Variants in DPP10 observed in about 807,000 individuals in gnomAD.
DPP10 encodes the protein inactive dipeptidyl peptidase 10.
Under a neutral mutation model 120.9 loss-of-function variants are expected in DPP10, and 33 were observed. The observed-to-expected ratio is 0.27, with a 90% CI of 0.21 to 0.37. The LOEUF (loss-of-function observed/expected upper bound fraction) is 0.37, where lower values mean the gene tolerates loss of function less well. Among genes scored for constraint, DPP10 ranks in the 10% least tolerant of loss-of-function variants. The probability of loss-of-function intolerance (pLI) is 1.00; values close to 1 mark genes in which losing one functional copy is unlikely to be tolerated. For missense variants in DPP10, 816 were observed against 942.8 expected, an observed-to-expected ratio of 0.87 and a Z score of 1.76; for synonymous variants, 337 against 326.1, an observed-to-expected ratio of 1.03 and a Z score of -0.36.
chr2:115,050,172 T>G (rs372301930), intron 1 of DPP10: 6 of 152,270 alleles, frequency 3.9e-5, no homozygotes, highest in East Asian at 3.9e-4. Context: ...ACTAAGATGC[T>G]GGAGAAATTG....
chr2:114,514,770 G>GT (rs1288586304), intron 1 of DPP10, among the ~76,000 whole-genome samples: 2,197 of 147,704 alleles, frequency 0.015, 43 homozygotes, highest in African/African-American at 0.049. Flanking sequence ...TTTTTTTCTG[G>GT]TTTTTTTTTT....
intron 1 of DPP10, among the ~76,000 whole-genome samples, chr2:114,753,404 C>T (rs1441944140): frequency 6.6e-6 from 1 of 152,126 alleles, no homozygotes; most frequent in Admixed American, 6.5e-5. Flanking sequence ...TAGTGTTATG[C>T]CTACAACATT....
intron 1 of DPP10, among the ~76,000 whole-genome samples, chr2:115,033,893 CTTTTTTTT>C (rs965717193): frequency 1.1e-3 from 101 of 89,864 alleles, no homozygotes; most frequent in African/African-American, 4.3e-3. Flanking sequence ...TTTTCTTTTT[CTTTTTTTT>C]TTTTTTTTTT....
chr2:115,720,536 T>A (rs2092621369), intron 7 of DPP10, among the ~76,000 whole-genome samples: 1 of 152,104 alleles, frequency 6.6e-6, no homozygotes, highest in South Asian at 2.1e-4. Context: ...TCAAGGTGTC[T>A]TATTCTTACA....
At chr2:114,545,201 A>C (rs1687293996) in intron 1 of DPP10, among the ~76,000 whole-genome samples, 1 of 152,098 alleles carries the variant, frequency 6.6e-6, no homozygotes, top group Non-Finnish European at 1.5e-5. Flanking sequence ...GTATTTTGTA[A>C]ATTAAATCAT....
At chr2:115,350,696 T>C (rs1346392082) in intron 3 of DPP10, among the ~76,000 whole-genome samples, 1 of 152,126 alleles carries the variant, frequency 6.6e-6, no homozygotes, top group Non-Finnish European at 1.5e-5. Flanking sequence ...CATGGATTCT[T>C]ATAACAGCAG....
chr2:114,938,603 T>C (rs1387349709), intron 1 of DPP10, among the ~76,000 whole-genome samples: 1 of 152,140 alleles, frequency 6.6e-6, no homozygotes, highest in Non-Finnish European at 1.5e-5. Flanking sequence ...TATATTTTAA[T>C]TGGCTAATTT....
intron 1 of DPP10, among the ~76,000 whole-genome samples, chr2:114,500,908 G>T (rs1368940231): frequency 6.6e-6 from 1 of 152,120 alleles, no homozygotes; most frequent in African/African-American, 2.4e-5. Flanking sequence ...GGCAGCGGAG[G>T]GCAATGATGA....
At chr2:115,214,069 C>A (rs1013191642) in intron 1 of DPP10, among the ~76,000 whole-genome samples, 2 of 152,056 alleles carry the variant, frequency 1.3e-5, no homozygotes, top group Admixed American at 6.6e-5. Flanking sequence ...GAGAAACAAG[C>A]CTTTCGTGGG....
intron 1 of DPP10, among the ~76,000 whole-genome samples, chr2:114,571,168 C>T (rs1044991938): frequency 6.6e-5 from 10 of 152,078 alleles, no homozygotes; most frequent in Admixed American, 1.3e-4. Context: ...GTGCTGGAGA[C>T]GGGGCGTACT....
chr2:115,456,888 C>T (rs1257778793), intron 3 of DPP10, among the ~76,000 whole-genome samples: 1 of 151,958 alleles, frequency 6.6e-6, no homozygotes, highest in African/African-American at 2.4e-5. Context: ...TTGATGGGTG[C>T]AGCAAACCAC....
chr2:115,166,302 TTTAA>T (rs1163240426), intron 1 of DPP10, among the ~76,000 whole-genome samples: 8 of 151,728 alleles, frequency 5.3e-5, no homozygotes, highest in African/African-American at 1.7e-4. Context: ...ATTGAAAAAT[TTTAA>T]TTAATAAAAA....
rs139042947 is a variant in DPP10 at position 115,709,642 on chromosome 2, G to A, written c.577-18174G>A. 2.0e-5 allele frequency among the ~76,000 whole-genome samples: 3 copies of A among 151,880 alleles called. No homozygotes were observed. The East Asian group carries it at 5.8e-4, about 29-fold the overall frequency. On this transcript the variant is annotated intron_variant, in intron 7 of 25. Coordinates refer to ENST00000410059, the MANE Select transcript of DPP10 (RefSeq NM_020868.6). Reference sequence around the variant, plus strand: ...ATTTAAAATAAAAAAAAAATTGGATGGGATAAAGAGCAGAATGAAGATGAG... The same window carrying A: ...ATTTAAAATAAAAAAAAAATTGGATAGGATAAAGAGCAGAATGAAGATGAG...
At chr2:115,162,396 G>T (rs1015834310) in intron 1 of DPP10, 4 of 1,286,094 alleles carry the variant, frequency 3.1e-6, no homozygotes, top group Non-Finnish European at 4.1e-6. Flanking sequence ...AATCTGCTGC[G>T]CTCCTGACGG....
chr2:115,511,731 C>CTTTTT (rs61236857), intron 4 of DPP10, among the ~76,000 whole-genome samples: 22 of 82,602 alleles, frequency 2.7e-4, no homozygotes, highest in East Asian at 4.5e-4. Context: ...TCTTCTTCTT[C>CTTTTT]TTTTTTTTTT....
rs534342616 is a variant in DPP10, at chr2:115,459,045, A to G, written c.272-40465A>G. ...CAGATGCTTACAGTCAACAATTGCC[A>G]CTGCAAACAGCATTGGTTAGCAACT... On this transcript the variant is annotated intron_variant, in intron 3 of 25. Coordinates refer to ENST00000410059, the MANE Select transcript of DPP10 (RefSeq NM_020868.6). Among the ~76,000 whole-genome samples the G allele has an allele frequency of 3.9e-5, 6 of 152,206 alleles. No homozygotes were observed. In the East Asian group the frequency reaches 9.7e-4, roughly 25 times the overall value.
At chr2:115,296,292 G>C in intron 1 of DPP10, among the ~76,000 whole-genome samples, 1 of 152,196 alleles carries the variant, frequency 6.6e-6, no homozygotes, top group African/African-American at 2.4e-5. Context: ...GGTGTTACCA[G>C]GCGCAAATTA....
chr2:115,200,561 A>G (rs963251260), intron 1 of DPP10, among the ~76,000 whole-genome samples: 4 of 152,226 alleles, frequency 2.6e-5, no homozygotes, highest in African/African-American at 7.2e-5. Flanking sequence ...AAGACTTTAT[A>G]AGAATAGTAT....
chr2:114,618,115 T>C (rs1159239097), intron 1 of DPP10, among the ~76,000 whole-genome samples: 1 of 152,092 alleles, frequency 6.6e-6, no homozygotes, highest in Non-Finnish European at 1.5e-5. Flanking sequence ...CATTATGACT[T>C]AAATATGTAT....
Sources: allele counts gnomAD v4.1 joint callset (sites outside exome capture counted in the v4.1 genomes callset), GRCh38; gene constraint gnomAD v4.1.1; transcripts MANE v1.5; gene names NCBI Gene and HGNC (gene_info 2026-07-23, HGNC 2026-07-21).